ADARB2: variants seen among roughly 807,000 people sequenced by gnomAD.
ADARB2 encodes the protein inactive double-stranded RNA-specific editase B2.
A neutral mutation model predicts 62.2 loss-of-function variants in ADARB2; 25 were observed. That is an observed-to-expected ratio of 0.40 (90% CI 0.29 to 0.56). The LOEUF is 0.56. ADARB2 is among the 20% of genes least tolerant of loss of function. The pLI is 0.43. For missense variants in ADARB2, 1,071 were observed against 1,077.4 expected (o/e 0.99, Z 0.08); for synonymous variants, 572 against 500.8 (o/e 1.14, Z -1.90).
At chr10:1,501,582 C>A (rs1211024651) in intron 1 of ADARB2, among the ~76,000 whole-genome samples, 1 of 152,158 alleles carries the variant, frequency 6.6e-6, no homozygotes. Context: ...ATCTTTAATT[C>A]AATTAAAAAT....
At chr10:1,453,382 A>G (rs1159139235) in intron 1 of ADARB2, among the ~76,000 whole-genome samples, 1 of 152,162 alleles carries the variant, frequency 6.6e-6, no homozygotes, top group African/African-American at 2.4e-5. Flanking sequence ...TTTTCTTCTA[A>G]GAAGGTTTTA....
intron 1 of ADARB2, among the ~76,000 whole-genome samples, chr10:1,674,436 C>T (rs1834434562): frequency 6.6e-6 from 1 of 152,128 alleles, no homozygotes; most frequent in Non-Finnish European, 1.5e-5. Flanking sequence ...TCAATAGGAG[C>T]TATTTGTTAT....
intron 1 of ADARB2, among the ~76,000 whole-genome samples, chr10:1,722,043 A>G (rs907590344): frequency 4.6e-5 from 7 of 152,198 alleles, no homozygotes; most frequent in Admixed American, 6.5e-5. Context: ...GTGTTTATGT[A>G]AAACGACTTT....
At chr10:1,278,527 G>A (rs1831341212) in intron 3 of ADARB2, among the ~76,000 whole-genome samples, 1 of 151,542 alleles carries the variant, frequency 6.6e-6, no homozygotes, top group South Asian at 2.1e-4. Context: ...GTGGTATTTG[G>A]CTTTTTCTGT....
intron 1 of ADARB2, among the ~76,000 whole-genome samples, chr10:1,530,013 C>T (rs1489298136): frequency 6.6e-6 from 1 of 151,526 alleles, no homozygotes; most frequent in Non-Finnish European, 1.5e-5. Flanking sequence ...CTGTCCCTGT[C>T]AATGTGGGCA....
At chr10:1,447,937 G>T (rs1830991849) in intron 1 of ADARB2, among the ~76,000 whole-genome samples, 1 of 152,136 alleles carries the variant, frequency 6.6e-6, no homozygotes, top group Non-Finnish European at 1.5e-5. Flanking sequence ...GCATAGTATT[G>T]CATGGTATCT....
At chr10:1,329,212 C>A (rs1831905364) in intron 3 of ADARB2, among the ~76,000 whole-genome samples, 1 of 152,224 alleles carries the variant, frequency 6.6e-6, no homozygotes, top group Admixed American at 6.5e-5. Flanking sequence ...TGTCTGCATT[C>A]TGTGCCTGCT....
At chr10:1,196,847 C>T (rs188176799) in intron 8 of ADARB2, among the ~76,000 whole-genome samples, 85 of 152,256 alleles carry the variant, frequency 5.6e-4, no homozygotes, top group African/African-American at 2.0e-3. Context: ...AGTGATCCTC[C>T]CACCTCAGCC....
intron 3 of ADARB2, among the ~76,000 whole-genome samples, chr10:1,273,607 C>A (rs536512500): frequency 1.8e-4 from 27 of 152,250 alleles, no homozygotes; most frequent in Non-Finnish European, 3.8e-4. Context: ...CTGTGCCCCC[C>A]ACGACCTTGC....
intron 3 of ADARB2, among the ~76,000 whole-genome samples, chr10:1,312,966 G>A (rs1365651652): frequency 6.6e-6 from 1 of 152,348 alleles, no homozygotes; most frequent in South Asian, 2.1e-4. Context: ...CAGGAGAGGG[G>A]TGGGAAGATG....
At chr10:1,263,519 G>A (rs1487973996) in intron 4 of ADARB2, among the ~76,000 whole-genome samples, 1 of 152,180 alleles carries the variant, frequency 6.6e-6, no homozygotes, top group African/African-American at 2.4e-5. Flanking sequence ...TTCTTTTCCT[G>A]GTGAAGCCTT....
chr10:1,233,834 T>C lies in ADARB2; in HGVS notation c.1373A>G (p.Glu458Gly). The C allele has an allele frequency of 6.2e-7, 1 of 1,613,712 alleles. No homozygotes were observed. Among genetic ancestry groups the C allele is most frequent in the Non-Finnish European group, 8.5e-7 (1 of 1,179,846 alleles). ...QLELHLSKRR[E>G]DSERSIFVRL... ...CACGAATATCGATCGCTCTGAGTCC[T>C]CGCGCCGCTTGCTAGGGTCACAAAG... The change falls in exon 6 of 10, where the codon GAG becomes GGG. Residue 458 changes from glutamate (E) to glycine (G), a missense_variant. Transcript: ENST00000381312.
chr10:1,696,507 C>A (rs1008868133), intron 1 of ADARB2, among the ~76,000 whole-genome samples: 4 of 152,132 alleles, frequency 2.6e-5, no homozygotes, highest in African/African-American at 4.8e-5. Context: ...ATTTCAACCC[C>A]CATTCCTAAC....
intron 1 of ADARB2, among the ~76,000 whole-genome samples, chr10:1,491,390 C>T (rs1008361113): frequency 2.4e-4 from 37 of 152,150 alleles, no homozygotes; most frequent in African/African-American, 8.9e-4. Context: ...TTTTAGGAAC[C>T]ATTTTGAAAC....
chr10:1,466,986 C>T (rs762205529), intron 1 of ADARB2, among the ~76,000 whole-genome samples: 26 of 152,126 alleles, frequency 1.7e-4, no homozygotes, highest in Non-Finnish European at 3.4e-4. Flanking sequence ...GGGCGCCATT[C>T]TGAAGGACCG....
intron 1 of ADARB2, among the ~76,000 whole-genome samples, chr10:1,709,265 A>C (rs1834925428): frequency 1.3e-5 from 2 of 152,234 alleles, no homozygotes; most frequent in Admixed American, 1.3e-4. Flanking sequence ...GCTAATTAAT[A>C]ACACAAGTTC....
At chr10:1,296,348 C>T (rs1476319175) in intron 3 of ADARB2, among the ~76,000 whole-genome samples, 1 of 152,196 alleles carries the variant, frequency 6.6e-6, no homozygotes, top group Non-Finnish European at 1.5e-5. Flanking sequence ...GAAGTCTGTA[C>T]TAAAGCTTTC....
intron 1 of ADARB2, among the ~76,000 whole-genome samples, chr10:1,730,326 T>C (rs1263126876): frequency 6.6e-6 from 1 of 152,196 alleles, no homozygotes; most frequent in East Asian, 1.9e-4. Context: ...CTGCCCCCTT[T>C]CACCTTTGCA....
At chr10:1,327,309 CAGCACCTCCTCACTGCA>C (rs1831872915) in intron 3 of ADARB2, among the ~76,000 whole-genome samples, 1 of 57,782 alleles carries the variant, frequency 1.7e-5, no homozygotes, top group African/African-American at 6.4e-5. Flanking sequence ...CCCCACGGCA[CAGCACCTCCTCACTGCA>C]CAGCGCCTCC....
Sources: allele counts gnomAD v4.1 joint callset (sites outside exome capture counted in the v4.1 genomes callset), GRCh38; gene constraint gnomAD v4.1.1; transcripts MANE v1.5; gene names NCBI Gene and HGNC (gene_info 2026-07-23, HGNC 2026-07-21).